NRXN1: variants seen among roughly 807,000 people sequenced by gnomAD.
The protein encoded by NRXN1 is neurexin 1.
NRXN1 carries 39 observed loss-of-function variants against 150.9 expected under a neutral mutation model. The observed-to-expected ratio is 0.26, with a 90% confidence interval of 0.20 to 0.34. The LOEUF (loss-of-function observed/expected upper bound fraction) is 0.34, where lower values mean the gene tolerates loss of function less well. Among genes scored for constraint, NRXN1 ranks in the 10% least tolerant of loss-of-function variants. The pLI is 1.00. For missense variants in NRXN1, 1,815 were observed against 1,949.9 expected (o/e 0.93, Z 1.30); for synonymous variants, 924 against 757.0 (o/e 1.22, Z -3.62).
At chr2:50,041,455 G>A (rs1308441991) in intron 21 of NRXN1, among the ~76,000 whole-genome samples, 2 of 152,088 alleles carry the variant, frequency 1.3e-5, no homozygotes, top group Non-Finnish European at 2.9e-5. Context: ...GGTGCAAACT[G>A]GTTCTGTAAT....
At chr2:50,523,905 A>G (rs1028361059) in intron 12 of NRXN1, among the ~76,000 whole-genome samples, 3 of 152,108 alleles carry the variant, frequency 2.0e-5, no homozygotes, top group African/African-American at 7.2e-5. Flanking sequence ...TCTTAAATAC[A>G]CTATTTTCTG....
intron 17 of NRXN1, among the ~76,000 whole-genome samples, chr2:50,435,739 G>A (rs2085363545): frequency 6.6e-6 from 1 of 152,112 alleles, no homozygotes; most frequent in African/African-American, 2.4e-5. Context: ...ACTATCAAGT[G>A]GGAGCTAAAC....
chr2:50,396,657 C>CA (rs2103878617), intron 17 of NRXN1, among the ~76,000 whole-genome samples: 1 of 152,162 alleles, frequency 6.6e-6, no homozygotes, highest in East Asian at 1.9e-4. Flanking sequence ...GCGAAGGAGG[C>CA]ATAGCAAGGC....
intron 18 of NRXN1, among the ~76,000 whole-genome samples, chr2:50,138,078 G>T (rs1196985845): frequency 6.6e-6 from 1 of 152,088 alleles, no homozygotes; most frequent in Non-Finnish European, 1.5e-5. Context: ...ACGTAAAAAA[G>T]AAATGTAAAA....
At chr2:50,027,134 G>A (rs753031220) in intron 21 of NRXN1, among the ~76,000 whole-genome samples, 2 of 151,698 alleles carry the variant, frequency 1.3e-5, no homozygotes, top group Non-Finnish European at 2.9e-5. Context: ...CACCCAACTC[G>A]GGTTCCCAAA....
chr2:50,923,382 TA>T, intron 3 of NRXN1: 1 of 288,050 alleles, frequency 3.5e-6, no homozygotes, highest in Non-Finnish European at 7.5e-6. Flanking sequence ...AGATTTCACC[TA>T]AATATTTCTT....
intron 17 of NRXN1, among the ~76,000 whole-genome samples, chr2:50,305,051 C>A (rs1281082989): frequency 2.0e-5 from 3 of 152,170 alleles, no homozygotes; most frequent in Admixed American, 6.5e-5. Context: ...GATTGCTCCA[C>A]TGCACTCCAG....
chr2:50,767,831 T>C (rs1702549435), intron 5 of NRXN1, among the ~76,000 whole-genome samples: 1 of 152,080 alleles, frequency 6.6e-6, no homozygotes, highest in Admixed American at 6.6e-5. Flanking sequence ...TTAAATTACA[T>C]TTTAATATTT....
At chr2:50,041,805 T>A (rs1264279978) in intron 21 of NRXN1, among the ~76,000 whole-genome samples, 2 of 152,168 alleles carry the variant, frequency 1.3e-5, no homozygotes, top group Non-Finnish European at 2.9e-5. Flanking sequence ...AGGGGACCAT[T>A]AACAATGCCC....
At chr2:50,123,053 C>A (rs1704086393) in intron 18 of NRXN1, among the ~76,000 whole-genome samples, 1 of 152,124 alleles carries the variant, frequency 6.6e-6, no homozygotes, top group Admixed American at 6.5e-5. Context: ...AATGTAATTA[C>A]ATTTATTTCA....
chr2:50,115,144 C>T (rs930786220), intron 18 of NRXN1, among the ~76,000 whole-genome samples: 1 of 144,474 alleles, frequency 6.9e-6, no homozygotes, highest in Non-Finnish European at 1.5e-5. Context: ...TAATTTCGCT[C>T]AATTTTTTTT....
intron 17 of NRXN1, among the ~76,000 whole-genome samples, chr2:50,358,699 A>G (rs943674929): frequency 1.3e-5 from 2 of 152,254 alleles, no homozygotes; most frequent in African/African-American, 4.8e-5. Context: ...TGAAAAGAGC[A>G]GCAGATCTTG....
chr2:50,554,104 T>C (rs1667892548), intron 8 of NRXN1, among the ~76,000 whole-genome samples: 1 of 152,020 alleles, frequency 6.6e-6, no homozygotes, highest in African/African-American at 2.4e-5. Context: ...ATTTCAAAGC[T>C]CCCAACATTG....
intron 18 of NRXN1, among the ~76,000 whole-genome samples, chr2:50,209,861 A>G (rs1348101907): frequency 3.8e-5 from 4 of 105,686 alleles, no homozygotes; most frequent in Non-Finnish European, 7.7e-5. Flanking sequence ...AAGCCTCTGC[A>G]ATAATTCACT....
At chr2:50,132,959 T>C (rs1473721684) in intron 18 of NRXN1, among the ~76,000 whole-genome samples, 1 of 151,102 alleles carries the variant, frequency 6.6e-6, no homozygotes, top group Non-Finnish European at 1.5e-5. Flanking sequence ...AAAAAAACAC[T>C]TGATGAGATA....
chr2:50,376,481 G>C (rs2080505867), intron 17 of NRXN1, among the ~76,000 whole-genome samples: 1 of 152,054 alleles, frequency 6.6e-6, no homozygotes, highest in Admixed American at 6.6e-5. Context: ...CAAACATTGA[G>C]AAATTGTGGG....
intron 5 of NRXN1, among the ~76,000 whole-genome samples, chr2:50,765,115 T>C (rs1702237696): frequency 6.6e-6 from 1 of 152,012 alleles, no homozygotes; most frequent in Non-Finnish European, 1.5e-5. Flanking sequence ...TCAAAAGATA[T>C]CCTCTTTCCA....
At chr2:50,852,425 C>CA (rs375241351) in intron 5 of NRXN1, among the ~76,000 whole-genome samples, 85 of 152,120 alleles carry the variant, frequency 5.6e-4, no homozygotes, top group African/African-American at 1.9e-3. Context: ...TTAAAATAAT[C>CA]AAAAAATAGT....
rs147541217 is a variant in NRXN1, at chr2:50,286,217, T to C, written c.3365-49247A>G. Among the ~76,000 whole-genome samples, 381 of 152,210 alleles carry C rather than the reference T, an allele frequency of 2.5e-3. 1 individual carries two copies. Among genetic ancestry groups the C allele is most frequent in the African/African-American group, 9.1e-3 (376 of 41,538 alleles). On this transcript the variant is annotated intron_variant, in intron 17 of 22. Transcript: ENST00000401669. ...AACTGCAGTCACCATGTACAATAGATCTCTTGAACTTACTTCTCCTATCTA... is the reference window on the plus strand; with the variant it reads ...AACTGCAGTCACCATGTACAATAGACCTCTTGAACTTACTTCTCCTATCTA...
Sources: allele counts gnomAD v4.1 joint callset (sites outside exome capture counted in the v4.1 genomes callset), GRCh38; gene constraint gnomAD v4.1.1; transcripts MANE v1.5; gene names NCBI Gene and HGNC (gene_info 2026-07-23, HGNC 2026-07-21).